Variants in NRXN1 observed in about 807,000 individuals in gnomAD.
NRXN1 encodes the protein neurexin-1.
A neutral mutation model predicts 150.9 loss-of-function variants in NRXN1; 39 were observed. The observed-to-expected ratio is 0.26, with a 90% confidence interval of 0.20 to 0.34. NRXN1 has a LOEUF of 0.34. Among genes scored for constraint, NRXN1 ranks in the 10% least tolerant of loss-of-function variants. NRXN1 has a pLI of 1.00. For synonymous variants in NRXN1, 924 were observed against 757.0 expected (o/e 1.22, Z -3.62); for missense variants, 1,815 against 1,949.9 (o/e 0.93, Z 1.30).
At chr2:50,202,617 G>A (rs1365610014) in intron 18 of NRXN1, among the ~76,000 whole-genome samples, 2 of 152,166 alleles carry the variant, frequency 1.3e-5, no homozygotes, top group Non-Finnish European at 2.9e-5. Flanking sequence ...TCTTTTCTGG[G>A]ACCACTGGTA....
chr2:50,514,282 C>G (rs1247343667), intron 12 of NRXN1, among the ~76,000 whole-genome samples: 1 of 152,000 alleles, frequency 6.6e-6, no homozygotes, highest in Admixed American at 6.6e-5. Context: ...CATGATTGTT[C>G]AATATATTTA....
chr2:50,381,416 G>A (rs1159573632), intron 17 of NRXN1, among the ~76,000 whole-genome samples: 1 of 151,814 alleles, frequency 6.6e-6, no homozygotes, highest in East Asian at 1.9e-4. Context: ...GAAACAATGT[G>A]ATTTTTTACT....
chr2:50,570,154 A>G (rs1489221161), intron 8 of NRXN1, among the ~76,000 whole-genome samples: 1 of 152,202 alleles, frequency 6.6e-6, no homozygotes, highest in Non-Finnish European at 1.5e-5. Flanking sequence ...CCAATATCAA[A>G]GCAGGAATGT....
chr2:50,065,636 T>C (rs1695239351), intron 19 of NRXN1, among the ~76,000 whole-genome samples: 2 of 152,194 alleles, frequency 1.3e-5, no homozygotes, highest in South Asian at 2.1e-4. Flanking sequence ...CAAAGACCTA[T>C]AACAGTGGAG....
At chr2:50,436,058 G>C (rs984071829) in intron 17 of NRXN1, among the ~76,000 whole-genome samples, 10 of 152,102 alleles carry the variant, frequency 6.6e-5, no homozygotes, top group African/African-American at 1.9e-4. Flanking sequence ...GTTTAAAAAA[G>C]AAAAATCTAA....
In NRXN1 at chr2:49,937,320, G is replaced by T. The variant is rs186590493; in HGVS notation, c.4216+6384C>A. Among the ~76,000 whole-genome samples, 473 of 152,166 alleles carry T rather than the reference G, an allele frequency of 3.1e-3. 1 individual carries two copies. Among genetic ancestry groups the T allele is most frequent in the Non-Finnish European group, 5.3e-3 (359 of 67,992 alleles). ...TTTGTTTGTTTGTTTTCAGTGAGTTGCCCTCGGGCTGAAATCTGGCCCACC... is the reference window on the plus strand; with the variant it reads ...TTTGTTTGTTTGTTTTCAGTGAGTTTCCCTCGGGCTGAAATCTGGCCCACC... On this transcript the variant is annotated intron_variant, in intron 22 of 22. Coordinates refer to ENST00000401669, the MANE Select transcript of NRXN1 (RefSeq NM_001330078.2).
chr2:50,454,091 C>T (rs62134976), intron 17 of NRXN1, among the ~76,000 whole-genome samples: 4,278 of 152,108 alleles, frequency 0.028, 84 homozygotes, highest in Admixed American at 0.038. Context: ...ACTTTGAGGC[C>T]GAGGTGGGCA....
chr2:50,876,264 T>G (rs1204615888), intron 5 of NRXN1, among the ~76,000 whole-genome samples: 1 of 151,834 alleles, frequency 6.6e-6, no homozygotes, highest in Non-Finnish European at 1.5e-5. Flanking sequence ...TGGCAAGGGA[T>G]TCTTTTTTGT....
chr2:50,184,610 G>T (rs1327790100), intron 18 of NRXN1, among the ~76,000 whole-genome samples: 1 of 151,890 alleles, frequency 6.6e-6, no homozygotes, highest in Non-Finnish European at 1.5e-5. Context: ...TATCATAATG[G>T]TGATTTTCAT....
At chr2:50,967,329 T>C (rs933254694) in intron 2 of NRXN1, among the ~76,000 whole-genome samples, 1 of 151,988 alleles carries the variant, frequency 6.6e-6, no homozygotes, top group African/African-American at 2.4e-5. Flanking sequence ...GTGATTTCAA[T>C]CTGTATTTGT....
At chr2:50,682,415 C>T (rs1474616968) in intron 5 of NRXN1, among the ~76,000 whole-genome samples, 1 of 152,068 alleles carries the variant, frequency 6.6e-6, no homozygotes, top group African/African-American at 2.4e-5. Context: ...AGGCTTTGAA[C>T]ACAGAATCTG....
At chr2:50,849,735 G>A (rs994606005) in intron 5 of NRXN1, among the ~76,000 whole-genome samples, 1 of 152,072 alleles carries the variant, frequency 6.6e-6, no homozygotes, top group African/African-American at 2.4e-5. Context: ...TTTCCTGTGT[G>A]CTATCTTTCT....
chr2:50,837,392 G>A (rs1280225054), intron 5 of NRXN1, among the ~76,000 whole-genome samples: 1 of 151,994 alleles, frequency 6.6e-6, no homozygotes, highest in Non-Finnish European at 1.5e-5. Context: ...ATACTTTTTG[G>A]GTCAGATGAG....
chr2:50,036,316 T>C (rs917885077), intron 21 of NRXN1, among the ~76,000 whole-genome samples: 1 of 152,128 alleles, frequency 6.6e-6, no homozygotes, highest in Non-Finnish European at 1.5e-5. Flanking sequence ...GTGCCTTGCT[T>C]CCCCTTTGCC....
intron 5 of NRXN1, among the ~76,000 whole-genome samples, chr2:50,805,150 C>G (rs1040131211): frequency 6.6e-6 from 1 of 151,858 alleles, no homozygotes; most frequent in Admixed American, 6.6e-5. Flanking sequence ...CCAAATGTAT[C>G]TTTCATTGAA....
intron 18 of NRXN1, among the ~76,000 whole-genome samples, chr2:50,145,697 GTCT>G (rs1210574686): frequency 6.6e-6 from 1 of 151,584 alleles, no homozygotes; most frequent in Non-Finnish European, 1.5e-5. Flanking sequence ...CATCTTTTTG[GTCT>G]ACCTTTTCCT....
At chr2:50,333,222 C>T (rs965938043) in intron 17 of NRXN1, among the ~76,000 whole-genome samples, 3 of 152,178 alleles carry the variant, frequency 2.0e-5, no homozygotes, top group African/African-American at 7.2e-5. Flanking sequence ...AGCCTTCAAA[C>T]CAGCTTATGG....
chr2:50,468,347 T>C (rs2089129699), intron 16 of NRXN1, among the ~76,000 whole-genome samples: 1 of 151,618 alleles, frequency 6.6e-6, no homozygotes, highest in South Asian at 2.1e-4. Flanking sequence ...CTGTATTTTA[T>C]TTTCATTATC....
intron 18 of NRXN1, among the ~76,000 whole-genome samples, chr2:50,139,304 A>C (rs1276993828): frequency 6.7e-6 from 1 of 148,928 alleles, no homozygotes; most frequent in Admixed American, 6.7e-5. Flanking sequence ...CCAGCCAGGC[A>C]ACAGAGCGAG....
Sources: allele counts gnomAD v4.1 joint callset (sites outside exome capture counted in the v4.1 genomes callset), GRCh38; gene constraint gnomAD v4.1.1; transcripts MANE v1.5; gene names NCBI Gene and HGNC (gene_info 2026-07-23, HGNC 2026-07-21).